CHODL: variants seen among roughly 807,000 people sequenced by gnomAD.
CHODL encodes the protein transmembrane protein MT75.
Under a neutral mutation model 34.5 loss-of-function variants are expected in CHODL, and 29 were observed. The ratio of observed to expected loss-of-function variants is 0.84; its 90% CI spans 0.63 to 1.15. The LOEUF is 1.15. Ranked by LOEUF, CHODL falls within the 50% of genes most tolerant of loss-of-function variation. The pLI, the probability that CHODL is intolerant of heterozygous loss-of-function variation, is 0.00. For synonymous variants in CHODL, 125 were observed against 116.1 expected (o/e 1.08, Z -0.49); for missense variants, 332 against 332.5 (o/e 1.00, Z 0.01).
At chr21:18,255,552 T>C (rs2074305355) in intron 1 of CHODL, among the ~76,000 whole-genome samples, 1 of 152,084 alleles carries the variant, frequency 6.6e-6, no homozygotes, top group Admixed American at 6.6e-5. Context: ...GAAAGACCAG[T>C]TTGGCCAAAT....
intron 2 of CHODL, among the ~76,000 whole-genome samples, chr21:18,051,129 C>G (rs1219859379): frequency 6.6e-6 from 1 of 151,828 alleles, no homozygotes; most frequent in South Asian, 2.1e-4. Context: ...CTCCCTGTGT[C>G]CATGTGTTCT....
chr21:17,953,736 G>C (rs761391391), intron 1 of CHODL, among the ~76,000 whole-genome samples: 55 of 152,302 alleles, frequency 3.6e-4, no homozygotes, highest in African/African-American at 1.1e-3. Context: ...ACTAGTCTGG[G>C]TGTGGTGGCT....
chr21:18,145,354 G>A (rs1340450412), intron 2 of CHODL, among the ~76,000 whole-genome samples: 5 of 144,786 alleles, frequency 3.5e-5, no homozygotes, highest in African/African-American at 7.8e-5. Context: ...GGAGAATGGC[G>A]TGAACCCGGG....
At chr21:17,956,778 T>C (rs1364412566) in intron 1 of CHODL, among the ~76,000 whole-genome samples, 1 of 136,354 alleles carries the variant, frequency 7.3e-6, no homozygotes, top group South Asian at 2.8e-4. Flanking sequence ...TGTGTCCTTA[T>C]GACCTTAACC....
At chr21:18,137,709 T>C (rs1356730108) in intron 2 of CHODL, among the ~76,000 whole-genome samples, 2 of 152,208 alleles carry the variant, frequency 1.3e-5, no homozygotes, top group African/African-American at 4.8e-5. Flanking sequence ...CACATTTTAT[T>C]TTTTAAAAAT....
intron 2 of CHODL, among the ~76,000 whole-genome samples, chr21:18,193,466 C>A (rs187339550): frequency 6.6e-6 from 1 of 151,826 alleles, no homozygotes; most frequent in Admixed American, 6.6e-5. Context: ...GAGGCTGAGG[C>A]GGGCGGATCA....
At chr21:17,927,348 T>C (rs1396445637) in intron 1 of CHODL, among the ~76,000 whole-genome samples, 1 of 151,780 alleles carries the variant, frequency 6.6e-6, no homozygotes. Flanking sequence ...ATAGATGAGG[T>C]TTGTCTTTAG....
chr21:18,023,831 T>C (rs1345129504), intron 1 of CHODL, among the ~76,000 whole-genome samples: 2 of 152,148 alleles, frequency 1.3e-5, no homozygotes, highest in Admixed American at 6.6e-5. Context: ...TAAAACAGTA[T>C]ACATATGGCT....
At chr21:18,161,469 T>C (rs1259408753) in intron 2 of CHODL, among the ~76,000 whole-genome samples, 1 of 152,242 alleles carries the variant, frequency 6.6e-6, no homozygotes. Flanking sequence ...AAGCTCCCCA[T>C]TTACTAGCTG....
chr21:17,979,388 A>T (rs559352302), intron 1 of CHODL, among the ~76,000 whole-genome samples: 69 of 152,134 alleles, frequency 4.5e-4, no homozygotes, highest in Non-Finnish European at 7.6e-4. Flanking sequence ...AAATATACAG[A>T]ATCTTAGTTT....
At chr21:18,044,790 A>C in intron 2 of CHODL, among the ~76,000 whole-genome samples, 1 of 151,984 alleles carries the variant, frequency 6.6e-6, no homozygotes, top group African/African-American at 2.4e-5. Flanking sequence ...GCTAGCCTAA[A>C]TTTACTCCAA....
chr21:18,184,149 G>A (rs375318837), intron 2 of CHODL, among the ~76,000 whole-genome samples: 2 of 152,220 alleles, frequency 1.3e-5, no homozygotes, highest in East Asian at 3.9e-4. Context: ...AGCATACAAA[G>A]CATCCTAAGA....
intron 1 of CHODL, among the ~76,000 whole-genome samples, chr21:18,010,546 T>C (rs2146412406): frequency 6.6e-6 from 1 of 152,264 alleles, no homozygotes; most frequent in Admixed American, 6.5e-5. Flanking sequence ...GCCTTCTACA[T>C]CCTCTTTTAC....
chr21:18,018,712 C>T (rs375539477), intron 1 of CHODL, among the ~76,000 whole-genome samples: 33 of 152,170 alleles, frequency 2.2e-4, no homozygotes, highest in African/African-American at 6.0e-4. Context: ...TGGCCTAATA[C>T]GGGAGTGTGG....
At chr21:18,197,576 A>T (rs940066612) in intron 2 of CHODL, among the ~76,000 whole-genome samples, 26 of 152,212 alleles carry the variant, frequency 1.7e-4, no homozygotes, top group African/African-American at 6.0e-4. Flanking sequence ...GGATTGCACC[A>T]CTGCACTCAA....
In CHODL at chr21:18,061,057, G is replaced by A. The variant is rs561658305; in HGVS notation, c.-45+33086G>A. On this transcript the variant is annotated intron_variant, in intron 2 of 6. Coordinates refer to the CHODL transcript ENST00000400127. Reference sequence around the variant, plus strand: ...AGTTCTTTCAGGTACAAAATGAGACGCAAATAACATTTCTGTGGCTAAGTC... The same window carrying A: ...AGTTCTTTCAGGTACAAAATGAGACACAAATAACATTTCTGTGGCTAAGTC... 1.2e-4 allele frequency among the ~76,000 whole-genome samples: 19 copies of A among 152,262 alleles called. No individual in the cohort carries two copies. In the South Asian group the frequency reaches 2.1e-3, roughly 17 times the overall value.
At chr21:18,166,197 C>T (rs2073150946) in intron 2 of CHODL, among the ~76,000 whole-genome samples, 1 of 152,168 alleles carries the variant, frequency 6.6e-6, no homozygotes, top group African/African-American at 2.4e-5. Flanking sequence ...GGTGGATCTC[C>T]TAGTTCCTAG....
In CHODL at chr21:18,265,986, C is replaced by G. The variant is rs777392789; in HGVS notation, c.770C>G (p.Ser257Cys). ...AGAACAAAAACTAGTCCAAACCAGT[C>G]TACACTGTGGATTTCAAAGAGTACC... ...KGRTKTSPNQSTLWISKSTRK... is the reference protein window; with the variant it reads ...KGRTKTSPNQCTLWISKSTRK... Residue 257 changes from serine (S) to cysteine (C), a missense_variant, in exon 6 of 6, where the codon TCT (serine) becomes TGT (cysteine). Transcript: ENST00000299295. 1 of 1,613,360 alleles carries G rather than the reference C, an allele frequency of 6.2e-7. No individual in the cohort carries two copies. The highest frequency in any genetic ancestry group is 1.3e-5 in the African/African-American group (1 of 74,864).
intron 2 of CHODL, among the ~76,000 whole-genome samples, chr21:18,104,674 A>T (rs1041883809): frequency 1.4e-4 from 21 of 152,214 alleles, no homozygotes; most frequent in African/African-American, 5.1e-4. Context: ...CTAGTACTCT[A>T]CCACTCTGAG....
Sources: allele counts gnomAD v4.1 joint callset (sites outside exome capture counted in the v4.1 genomes callset), GRCh38; gene constraint gnomAD v4.1.1; transcripts MANE v1.5; gene names NCBI Gene and HGNC (gene_info 2026-07-23, HGNC 2026-07-21).